DNER: variants seen among roughly 807,000 people sequenced by gnomAD.
DNER encodes delta/notch like EGF repeat containing.
Under a neutral mutation model 78.2 loss-of-function variants are expected in DNER, and 33 were observed. The observed-to-expected ratio is 0.42, with a 90% CI of 0.32 to 0.56. The LOEUF is 0.56. Among genes scored for constraint, DNER ranks in the 20% least tolerant of loss-of-function variants. The pLI is 0.11. For missense variants in DNER, 918 were observed against 975.3 expected (o/e 0.94, Z 0.78); for synonymous variants, 417 against 384.8 (o/e 1.08, Z -0.98).
chr2:229,538,274 G>GACTCAAA (rs1696449020), intron 5 of DNER, among the ~76,000 whole-genome samples: 1 of 152,156 alleles, frequency 6.6e-6, no homozygotes, highest in Non-Finnish European at 1.5e-5. Flanking sequence ...CATTAAGTCT[G>GACTCAAA]GAGCATCACT....
chr2:229,687,297 T>G (rs1699499968), intron 1 of DNER, among the ~76,000 whole-genome samples: 1 of 145,110 alleles, frequency 6.9e-6, no homozygotes, highest in Admixed American at 7.1e-5. Context: ...AGAGTCTCGC[T>G]CTGTCACCCA....
At chr2:229,359,222 CCACCTAT>C (rs1211874991) in intron 12 of DNER, among the ~76,000 whole-genome samples, 1 of 152,156 alleles carries the variant, frequency 6.6e-6, no homozygotes, top group African/African-American at 2.4e-5. Flanking sequence ...TGAATCCCAC[CCACCTAT>C]CACCTCCCAA....
intron 10 of DNER, among the ~76,000 whole-genome samples, chr2:229,401,176 C>T (rs1022330781): frequency 6.6e-6 from 1 of 151,968 alleles, no homozygotes; most frequent in East Asian, 1.9e-4. Context: ...GTGATAACAC[C>T]AAATGCTGGC....
At chr2:229,382,090 T>C (rs1692751080) in intron 11 of DNER, among the ~76,000 whole-genome samples, 1 of 152,202 alleles carries the variant, frequency 6.6e-6, no homozygotes, top group African/African-American at 2.4e-5. Flanking sequence ...ATCTTTGCTG[T>C]TCCACAGCCT....
chr2:229,680,780 T>C (rs1405517543), intron 1 of DNER, among the ~76,000 whole-genome samples: 2 of 152,246 alleles, frequency 1.3e-5, no homozygotes, highest in African/African-American at 2.4e-5. Flanking sequence ...CTAAAAGTAA[T>C]GATCACATAA....
chr2:229,408,956 G>T (rs951681353), intron 9 of DNER, among the ~76,000 whole-genome samples: 70 of 152,036 alleles, frequency 4.6e-4, no homozygotes, highest in African/African-American at 1.6e-3. Flanking sequence ...CCACTGCCTC[G>T]TGCCTGGTGG....
intron 1 of DNER, among the ~76,000 whole-genome samples, chr2:229,707,957 A>T (rs1325199486): frequency 6.6e-6 from 1 of 152,198 alleles, no homozygotes; most frequent in African/African-American, 2.4e-5. Flanking sequence ...TGGCATCAGG[A>T]TCCCATTTTC....
chr2:229,503,043 C>A (rs75352906), intron 6 of DNER, among the ~76,000 whole-genome samples: 3,172 of 152,214 alleles, frequency 0.021, 64 homozygotes, highest in Middle Eastern at 0.058. Flanking sequence ...TCAAATAATT[C>A]TTTTTTCTCC....
In DNER at chr2:229,582,886, G is replaced by A. The variant is rs184433148; in HGVS notation, c.847+2972C>T. On this transcript the variant is annotated intron_variant, in intron 4 of 12. Transcript: ENST00000341772. The stretch of plus-strand genomic sequence containing the variant: ...AATCTCCTGACCGCGTGATCCACCC[G>A]CCTCAGCCTCCCAAAGTGCTCGGAT... Among the ~76,000 whole-genome samples the A allele has an allele frequency of 7.9e-5, 12 of 152,192 alleles. No individual in the cohort carries two copies. The East Asian group carries it at 1.7e-3, about 22-fold the overall frequency.
rs774258388 is a variant in DNER, at chr2:229,512,938, T to A, written c.994-2A>T. 2 of 1,612,576 alleles carry A rather than the reference T, an allele frequency of 1.2e-6. No individual in the cohort carries two copies. The highest frequency in any genetic ancestry group is 1.3e-5 in the African/African-American group (1 of 74,940). On this transcript the variant is annotated splice_acceptor_variant, in intron 5 of 12. Coordinates refer to ENST00000341772, the MANE Select transcript of DNER (RefSeq NM_139072.4). LOFTEE classifies it high-confidence loss of function. The stretch of plus-strand genomic sequence containing the variant: ...CTCACAGGTACAGGAAAAAGTTGCC[T>A]AAAACACAAAAAAAGCACAGTGTCT...
chr2:229,410,308 T>A (rs1693482904), intron 9 of DNER, among the ~76,000 whole-genome samples: 1 of 152,220 alleles, frequency 6.6e-6, no homozygotes, highest in South Asian at 2.1e-4. Flanking sequence ...TCCTGTCTGA[T>A]TCTCCCACAA....
At chr2:229,461,815 G>A (rs1371457246) in intron 7 of DNER, among the ~76,000 whole-genome samples, 2 of 152,024 alleles carry the variant, frequency 1.3e-5, no homozygotes, top group East Asian at 3.9e-4. Context: ...GTGCAATAGT[G>A]TAATTCAAAT....
At chr2:229,520,503 G>T (rs1696073408) in intron 5 of DNER, among the ~76,000 whole-genome samples, 1 of 152,178 alleles carries the variant, frequency 6.6e-6, no homozygotes, top group African/African-American at 2.4e-5. Flanking sequence ...CATCTGCTAG[G>T]TCAAAACTCT....
At chr2:229,663,014 G>A (rs974428463) in intron 1 of DNER, among the ~76,000 whole-genome samples, 4 of 152,132 alleles carry the variant, frequency 2.6e-5, no homozygotes, top group Non-Finnish European at 5.9e-5. Context: ...GGTGCTCCTC[G>A]TGCTCCTCTA....
At chr2:229,676,992 A>G (rs1699310580) in intron 1 of DNER, among the ~76,000 whole-genome samples, 1 of 152,116 alleles carries the variant, frequency 6.6e-6, no homozygotes, top group South Asian at 2.1e-4. Flanking sequence ...CTCACTTAGT[A>G]TGTGATGTTA....
intron 5 of DNER, among the ~76,000 whole-genome samples, chr2:229,517,009 G>T (rs1695991371): frequency 6.6e-6 from 1 of 150,590 alleles, no homozygotes; most frequent in Non-Finnish European, 1.5e-5. Context: ...TACTCAGGAG[G>T]CTGAGGCAGG....
chr2:229,415,645 A>G (rs762864779), intron 9 of DNER, among the ~76,000 whole-genome samples: 2 of 152,078 alleles, frequency 1.3e-5, no homozygotes, highest in Non-Finnish European at 2.9e-5. Context: ...CCCTATCTGG[A>G]TATCTTTGTT....
chr2:229,395,678 C>A (rs1450788038), intron 10 of DNER, among the ~76,000 whole-genome samples: 2 of 152,170 alleles, frequency 1.3e-5, no homozygotes, highest in African/African-American at 4.8e-5. Context: ...GAGGGCGGAT[C>A]ACCTGAGGTA....
chr2:229,617,454 T>C (rs934441648), intron 1 of DNER, among the ~76,000 whole-genome samples: 2 of 152,186 alleles, frequency 1.3e-5, no homozygotes, highest in Non-Finnish European at 2.9e-5. Flanking sequence ...ATACAACTGT[T>C]CTCAATAACT....
Sources: gnomAD v4.1 joint callset for allele counts (sites outside exome capture counted in the v4.1 genomes callset) on GRCh38, gnomAD v4.1.1 for gene constraint, MANE v1.5 for transcripts, NCBI Gene and HGNC (gene_info 2026-07-23, HGNC 2026-07-21) for gene names.